The following PGAP4 variants were observed in gnomAD, a reference collection of about 807,000 sequenced individuals.
The protein encoded by PGAP4 is post-GPI attachment to proteins GalNAc transferase 4.
Under a neutral mutation model 28.2 loss-of-function variants are expected in PGAP4, and 12 were observed. The observed-to-expected ratio is 0.42, with a 90% confidence interval of 0.27 to 0.69. The LOEUF is 0.69. PGAP4 is among the 30% of genes least tolerant of loss of function. The pLI is 0.22. For missense variants in PGAP4, 425 were observed against 513.5 expected (o/e 0.83, Z 1.67); for synonymous variants, 205 against 211.8 (o/e 0.97, Z 0.28).
intron 2 of PGAP4, among the ~76,000 whole-genome samples, chr9:101,524,141 G>A (rs899058202): frequency 1.3e-4 from 20 of 151,572 alleles, no homozygotes; most frequent in Middle Eastern, 3.4e-3. Flanking sequence ...GTGGAGGTTG[G>A]GGGGCGGGTG....
chr9:101,492,830 T>C (rs1163337246), intron 2 of PGAP4, among the ~76,000 whole-genome samples: 1 of 152,124 alleles, frequency 6.6e-6, no homozygotes, highest in Non-Finnish European at 1.5e-5. Flanking sequence ...CTCTGTCTTT[T>C]TGCTTCAGGA....
chr9:101,487,733 G>A (rs1826646875), upstream of PGAP4, among the ~76,000 whole-genome samples: 1 of 152,160 alleles, frequency 6.6e-6, no homozygotes, highest in Non-Finnish European at 1.5e-5. Context: ...GCCTGTTCTT[G>A]TACAGCCCAC....
In PGAP4 at chr9:101,486,680, G is replaced by C. The variant is rs1369788322; in HGVS notation, c.-78+269C>G. 1.3e-5 allele frequency among the ~76,000 whole-genome samples: 2 copies of C among 152,054 alleles called. No homozygotes were observed. The highest frequency in any genetic ancestry group is 2.4e-5 in the African/African-American group (1 of 41,412). ...CACTCAACCATCCCCGCACTGATGC[G>C]GGCCCCTGCTGCCCTGGGGACCCCT... On this transcript the variant is annotated intron_variant, in intron 1 of 1. Transcript: ENST00000374848. This position sits in a 1 kb window ranked among gnomAD's most constrained non-coding sequence, Gnocchi z 4.7.
chr9:101,501,878 T>C, intron 2 of PGAP4: 1 of 441,874 alleles, frequency 2.3e-6, no homozygotes, highest in Non-Finnish European at 4.5e-6. Flanking sequence ...GATGATCTGG[T>C]GGAACATGTT....
chr9:101,507,021 T>C (rs997169426), intron 2 of PGAP4, among the ~76,000 whole-genome samples: 1 of 152,110 alleles, frequency 6.6e-6, no homozygotes, highest in Non-Finnish European at 1.5e-5. Context: ...GGTATACCTA[T>C]GATTAACCTT....
intron 2 of PGAP4, among the ~76,000 whole-genome samples, chr9:101,529,425 G>T (rs187355845): frequency 1.3e-5 from 2 of 152,268 alleles, no homozygotes; most frequent in East Asian, 3.9e-4. Context: ...AAAGTGCTGG[G>T]ATTACAGGCA....
chr9:101,509,554 CTCACT>C (rs1359845773), intron 2 of PGAP4, among the ~76,000 whole-genome samples: 2 of 152,170 alleles, frequency 1.3e-5, no homozygotes, highest in African/African-American at 4.8e-5. Flanking sequence ...AGAAAGCTAT[CTCACT>C]TCTGTATATA....
At chr9:101,508,746 G>A (rs1002142458) in intron 2 of PGAP4, among the ~76,000 whole-genome samples, 2 of 152,078 alleles carry the variant, frequency 1.3e-5, no homozygotes, top group East Asian at 1.9e-4. Flanking sequence ...ATTACATAAT[G>A]AAATAATTAT....
chr9:101,488,040 T>C (rs1293106030), upstream of PGAP4, among the ~76,000 whole-genome samples: 1 of 152,186 alleles, frequency 6.6e-6, no homozygotes, highest in Non-Finnish European at 1.5e-5. Flanking sequence ...TAAATGCTCA[T>C]ATGATTTCTT....
At chr9:101,520,827 C>G (rs769591874) in intron 2 of PGAP4, among the ~76,000 whole-genome samples, 1 of 152,116 alleles carries the variant, frequency 6.6e-6, no homozygotes, top group Non-Finnish European at 1.5e-5. Flanking sequence ...CAACTTTTCC[C>G]CATTCAGTAT....
chr9:101,484,609 A>G (rs1363469306), intron 1 of PGAP4, among the ~76,000 whole-genome samples: 1 of 152,176 alleles, frequency 6.6e-6, no homozygotes, highest in African/African-American at 2.4e-5. Flanking sequence ...TGTCCTTATA[A>G]GAAAAGACAG....
At chr9:101,481,298 G>C (rs1425652426) in intron 1 of PGAP4, 3 of 152,130 alleles carry the variant, frequency 2.0e-5, no homozygotes, top group African/African-American at 7.2e-5. Flanking sequence ...TTTACTCCCA[G>C]CCCAATCATA....
At chr9:101,512,347 C>CCAA (rs1322900189) in intron 2 of PGAP4, among the ~76,000 whole-genome samples, 2 of 152,112 alleles carry the variant, frequency 1.3e-5, no homozygotes, top group African/African-American at 2.4e-5. Flanking sequence ...TTACCCTGAG[C>CCAA]CAACATGCTC....
chr9:101,518,234 A>C (rs1588209814), intron 2 of PGAP4, among the ~76,000 whole-genome samples: 1 of 152,154 alleles, frequency 6.6e-6, no homozygotes, highest in South Asian at 2.1e-4. Context: ...TTATGGCTTC[A>C]TCATATTCCA....
At chr9:101,512,587 G>A (rs555098799) in intron 2 of PGAP4, among the ~76,000 whole-genome samples, 1 of 152,010 alleles carries the variant, frequency 6.6e-6, no homozygotes, top group Non-Finnish European at 1.5e-5. Context: ...TTGAAATTTT[G>A]TTTTTTAACA....
intron 2 of PGAP4, among the ~76,000 whole-genome samples, chr9:101,492,450 A>G (rs1464917645): frequency 6.6e-6 from 1 of 151,824 alleles, no homozygotes; most frequent in African/African-American, 2.4e-5. Context: ...CCCGGCAGTA[A>G]TTTTTGTCTT....
intron 2 of PGAP4, among the ~76,000 whole-genome samples, chr9:101,523,619 CT>C (rs71356369): frequency 1.2e-4 from 7 of 59,338 alleles, no homozygotes; most frequent in African/African-American, 1.4e-4. Context: ...CTTCTTGTAT[CT>C]TTTTTTTTTT....
In PGAP4 at chr9:101,476,167, C is replaced by T; in HGVS notation, c.926G>A (p.Gly309Asp). Residue 309 changes from glycine to aspartate, a missense_variant, in exon 2 of 2, where the codon GGT becomes GAT. Coordinates refer to ENST00000374848, the MANE Select transcript of PGAP4 (RefSeq NM_032342.3). The surrounding 1 kb of genome is among the most constrained non-coding windows in gnomAD (Gnocchi z 7.0). ...CCGCAGTTCCAGGAAATAGTGCCGA[C>T]CCACCAGCTCCACCAGACCCATGCT... is the stretch of plus-strand genomic sequence containing the variant. ...LYSMGLVELV[G>D]RHYFLELRRL... The T allele has an allele frequency of 6.2e-7, 1 of 1,614,142 alleles. No homozygotes were observed. Among genetic ancestry groups the T allele is most frequent in the Non-Finnish European group, 8.5e-7 (1 of 1,180,030 alleles).
chr9:101,497,030 A>G (rs1588205273), intron 2 of PGAP4, among the ~76,000 whole-genome samples: 2 of 150,720 alleles, frequency 1.3e-5, no homozygotes, highest in South Asian at 4.2e-4. Context: ...TTGAGTGAAA[A>G]CTTAGGAAGC....
Sources: gnomAD v4.1 joint callset for allele counts (sites outside exome capture counted in the v4.1 genomes callset) on GRCh38, gnomAD v4.1.1 for gene constraint, Gnocchi (gnomAD v3.1) non-coding constraint, MANE v1.5 for transcripts, NCBI Gene and HGNC (gene_info 2026-07-23, HGNC 2026-07-21) for gene names.